TYW1B: variants seen among roughly 807,000 people sequenced by gnomAD.
TYW1B encodes the protein tRNA-yW synthesizing protein 1 homolog B, also known as S-adenosyl-L-methionine-dependent tRNA 4-demethylwyosine synthase TYW1B.
Under a neutral mutation model 86.9 loss-of-function variants are expected in TYW1B, and 73 were observed. The ratio of observed to expected loss-of-function variants is 0.84; its 90% CI spans 0.70 to 1.02. The LOEUF (loss-of-function observed/expected upper bound fraction) is 1.02. TYW1B is among the 50% of genes least tolerant of loss of function. The probability of loss-of-function intolerance (pLI) is 0.00; values close to 1 mark genes in which losing one functional copy is unlikely to be tolerated. For synonymous variants in TYW1B, 248 were observed against 292.8 expected, an observed-to-expected ratio of 0.85 and a Z score of 1.56; for missense variants, 637 against 827.4, an observed-to-expected ratio of 0.77 and a Z score of 2.82.
At chr7:72,676,761 C>A (rs1489562278) in intron 11 of TYW1B, among the ~76,000 whole-genome samples, 5 of 152,092 alleles carry the variant, frequency 3.3e-5, no homozygotes, top group African/African-American at 9.7e-5. Flanking sequence ...GAGTTCAAGA[C>A]CAGCCTGGCC....
chr7:72,826,106 C>G (rs564157183), intron 2 of TYW1B, among the ~76,000 whole-genome samples: 3 of 152,278 alleles, frequency 2.0e-5, no homozygotes, highest in African/African-American at 7.2e-5. Flanking sequence ...CTTTGCTGTT[C>G]CAGTCTGAGA....
intron 3 of TYW1B, 48 bp from the exon 4 acceptor site, chr7:72,810,713 A>G: frequency 6.5e-7 from 1 of 1,541,134 alleles, no homozygotes; most frequent in Non-Finnish European, 8.8e-7. Flanking sequence ...GGCATAAATT[A>G]TCTCAACGAA....
At chr7:72,593,212 G>GA (rs1266232375) in intron 13 of TYW1B, among the ~76,000 whole-genome samples, 18 of 151,632 alleles carry the variant, frequency 1.2e-4, no homozygotes, top group Non-Finnish European at 4.4e-5. Flanking sequence ...GAAATTGCTT[G>GA]AACCTGGGAG....
chr7:72,599,634 A>C (rs535009077), intron 13 of TYW1B, among the ~76,000 whole-genome samples: 1 of 152,296 alleles, frequency 6.6e-6, no homozygotes, highest in South Asian at 2.1e-4. Context: ...AGAAGATCCC[A>C]AAGAATCAAT....
intron 10 of TYW1B, among the ~76,000 whole-genome samples, chr7:72,702,000 C>G (rs1476422299): frequency 6.6e-6 from 1 of 152,156 alleles, no homozygotes; most frequent in Non-Finnish European, 1.5e-5. Context: ...CAGCCCTGAT[C>G]GTGTGAGTGG....
chr7:72,816,348 C>G (rs1279019131), intron 2 of TYW1B, among the ~76,000 whole-genome samples: 1 of 151,974 alleles, frequency 6.6e-6, no homozygotes, highest in African/African-American at 2.4e-5. Flanking sequence ...TGCACTCCAG[C>G]CTGGGCAACA....
intron 8 of TYW1B, among the ~76,000 whole-genome samples, chr7:72,738,741 G>T (rs1157970716): frequency 6.6e-6 from 1 of 151,982 alleles, no homozygotes; most frequent in Non-Finnish European, 1.5e-5. Flanking sequence ...TTTTTTGTTT[G>T]TTTTTACCAC....
intron 13 of TYW1B, among the ~76,000 whole-genome samples, chr7:72,585,550 C>G (rs1811253852): frequency 2.0e-5 from 3 of 152,114 alleles, no homozygotes; most frequent in Admixed American, 2.0e-4. Flanking sequence ...ATTATAGTTC[C>G]CACAATTCCC....
intron 11 of TYW1B, among the ~76,000 whole-genome samples, chr7:72,691,329 TG>T (rs1554450302): frequency 6.6e-6 from 1 of 152,246 alleles, no homozygotes; most frequent in East Asian, 1.9e-4. Context: ...AGAAAGTCAC[TG>T]CCCTAATGTG....
chr7:72,781,742 A>G (rs782303514), intron 6 of TYW1B, among the ~76,000 whole-genome samples: 8 of 152,012 alleles, frequency 5.3e-5, no homozygotes, highest in African/African-American at 9.7e-5. Flanking sequence ...TCCAACCTCT[A>G]CTTCCACTCC....
At chr7:72,758,231 A>C (rs1297207686) in intron 7 of TYW1B, among the ~76,000 whole-genome samples, 3 of 151,960 alleles carry the variant, frequency 2.0e-5, no homozygotes, top group African/African-American at 7.3e-5. Flanking sequence ...ACAACAACAA[A>C]AAAGCTGGGT....
intron 3 of TYW1B, among the ~76,000 whole-genome samples, chr7:72,814,140 A>T (rs1174693912): frequency 2.6e-5 from 4 of 152,126 alleles, no homozygotes; most frequent in African/African-American, 9.7e-5. Flanking sequence ...GCCTACCAGC[A>T]TAGCACACTG....
At chr7:72,623,225 G>T (rs1332312928) in intron 12 of TYW1B, among the ~76,000 whole-genome samples, 1 of 152,076 alleles carries the variant, frequency 6.6e-6, no homozygotes, top group Non-Finnish European at 1.5e-5. Context: ...TAAAATCAAA[G>T]AACTTAATAA....
chr7:72,617,659 A>G (rs1309186322), intron 12 of TYW1B, among the ~76,000 whole-genome samples: 1 of 152,160 alleles, frequency 6.6e-6, no homozygotes, highest in Non-Finnish European at 1.5e-5. Context: ...GAGCCACTAC[A>G]CCTGGCCTAA....
chr7:72,731,576 G>A (rs1787111906), intron 8 of TYW1B, among the ~76,000 whole-genome samples: 1 of 152,066 alleles, frequency 6.6e-6, no homozygotes, highest in African/African-American at 2.4e-5. Flanking sequence ...TTGCCTACAA[G>A]AAACTCACTT....
chr7:72,689,853 A>G (rs1490659240), intron 11 of TYW1B, among the ~76,000 whole-genome samples: 1 of 152,106 alleles, frequency 6.6e-6, no homozygotes, highest in African/African-American at 2.4e-5. Flanking sequence ...AGCACATAAT[A>G]TTTTTATAAT....
chr7:72,625,896 C>CG (rs71876528), intron 12 of TYW1B, among the ~76,000 whole-genome samples: 4,209 of 71,060 alleles, frequency 0.059, 49 homozygotes, highest in Admixed American at 0.095. Context: ...AGAGGTGGGG[C>CG]GGGGGGGGGG....
At chr7:72,662,685 T>C (rs1813362863) in intron 11 of TYW1B, among the ~76,000 whole-genome samples, 1 of 152,182 alleles carries the variant, frequency 6.6e-6, no homozygotes, top group Non-Finnish European at 1.5e-5. Context: ...TGGTATTTAT[T>C]TCAATCCAAT....
chr7:72,701,350 A>C (rs1272330877), intron 10 of TYW1B, among the ~76,000 whole-genome samples: 2 of 151,448 alleles, frequency 1.3e-5, no homozygotes, highest in African/African-American at 4.9e-5. Context: ...TGCAATCTTG[A>C]ACTCCTGAGC....
Sources: allele counts gnomAD v4.1 joint callset (sites outside exome capture counted in the v4.1 genomes callset), GRCh38; gene constraint gnomAD v4.1.1; transcripts MANE v1.5; gene names NCBI Gene and HGNC (gene_info 2026-07-23, HGNC 2026-07-21).